The following NANS variants were observed in gnomAD, a reference collection of about 807,000 sequenced individuals.
NANS encodes N-acetylneuraminate synthase.
In NANS, 29 loss-of-function variants were observed where a neutral mutation model predicts 33.3. The ratio of observed to expected loss-of-function variants is 0.87; its 90% confidence interval spans 0.65 to 1.19. The LOEUF is 1.19. Among genes scored for constraint, NANS ranks in the 50% most tolerant of loss-of-function variants. The probability of loss-of-function intolerance (pLI) is 0.00; values close to 1 mark genes in which losing one functional copy is unlikely to be tolerated. For synonymous variants in NANS, 163 were observed against 177.2 expected (o/e 0.92, Z 0.64); for missense variants, 394 against 461.1 (o/e 0.85, Z 1.33).
At chr9:98,062,211 A>T (rs920614633) in intron 2 of NANS, among the ~76,000 whole-genome samples, 38 of 121,328 alleles carry the variant, frequency 3.1e-4, no homozygotes, top group African/African-American at 9.2e-4. Context: ...GTCTCTTAAT[A>T]AAAAAAAAAA....
chr9:98,073,828 C>T (rs998417995), intron 2 of NANS, among the ~76,000 whole-genome samples: 1 of 151,956 alleles, frequency 6.6e-6, no homozygotes, highest in African/African-American at 2.4e-5. Flanking sequence ...GTTTTGTCAC[C>T]CAGGCTGGAG....
intron 5 of NANS, chr9:98,081,611 G>A (rs1829866022): frequency 6.5e-6 from 1 of 153,330 alleles, no homozygotes; most frequent in South Asian, 2.0e-4. Flanking sequence ...CAGAGGAACT[G>A]GTGGGCCTAG....
At chr9:98,079,527 C>T (rs1358269509) in intron 4 of NANS, among the ~76,000 whole-genome samples, 1 of 152,172 alleles carries the variant, frequency 6.6e-6, no homozygotes, top group African/African-American at 2.4e-5. Context: ...CCTAAACTTT[C>T]TGTCCCTCCC....
In NANS at chr9:98,077,020, A is replaced by G; in HGVS notation, c.448+3A>G. ...TCTGGAAAAGACAGCCAAAAAAGGT[A>G]AGTGTCTAATTTTTGACTTAAAATC... is the stretch of plus-strand genomic sequence containing the variant. On this transcript the variant is annotated splice_donor_region_variant and intron_variant, in intron 3 of 5. Transcript: ENST00000210444. 1 of 1,600,566 alleles carries G rather than the reference A, an allele frequency of 6.2e-7. No homozygotes were observed. Among genetic ancestry groups the G allele is most frequent in the South Asian group, 1.1e-5 (1 of 89,036 alleles).
chr9:98,077,763 C>G (rs1156510932), intron 3 of NANS, among the ~76,000 whole-genome samples: 2 of 152,268 alleles, frequency 1.3e-5, no homozygotes, highest in South Asian at 4.1e-4. Flanking sequence ...ACTTATTTCA[C>G]AGGGGAGGCC....
intron 4 of NANS, among the ~76,000 whole-genome samples, chr9:98,080,439 C>T (rs1210578090): frequency 6.6e-6 from 1 of 152,220 alleles, no homozygotes; most frequent in Non-Finnish European, 1.5e-5. Flanking sequence ...GCATATAGCA[C>T]ACTTGCTTTC....
chr9:98,068,189 C>T (rs552701212), intron 2 of NANS, among the ~76,000 whole-genome samples: 2 of 152,246 alleles, frequency 1.3e-5, no homozygotes, highest in South Asian at 2.1e-4. Context: ...GACTGGAGTG[C>T]AGTGGTATAA....
intron 1 of NANS, among the ~76,000 whole-genome samples, chr9:98,060,103 T>G (rs939551574): frequency 3.9e-5 from 6 of 152,260 alleles, no homozygotes; most frequent in Non-Finnish European, 7.3e-5. Context: ...TTTTCTTTAC[T>G]AAATTCTGGT....
At chr9:98,057,265 A>G (rs1038758376) in intron 1 of NANS, among the ~76,000 whole-genome samples, 2 of 152,192 alleles carry the variant, frequency 1.3e-5, no homozygotes, top group African/African-American at 4.8e-5. Flanking sequence ...GCCCGCGGGT[A>G]GAGTCGAAAC....
At chr9:98,072,448 GT>G (rs1299200450) in intron 2 of NANS, among the ~76,000 whole-genome samples, 3 of 150,038 alleles carry the variant, frequency 2.0e-5, no homozygotes, top group African/African-American at 7.4e-5. Context: ...GTCTCGCTGT[GT>G]CGCCCAAGCT....
At chr9:98,057,791 C>G (rs971102201) in intron 1 of NANS, among the ~76,000 whole-genome samples, 1 of 151,682 alleles carries the variant, frequency 6.6e-6, no homozygotes, top group Non-Finnish European at 1.5e-5. Flanking sequence ...CAATGCTACT[C>G]AACTGATTTT....
chr9:98,081,812 C>G (rs1402829154), intron 5 of NANS: 2 of 152,218 alleles, frequency 1.3e-5, no homozygotes, highest in Non-Finnish European at 2.9e-5. Flanking sequence ...ACCTTTTATT[C>G]TAGTGGGGCC....
intron 2 of NANS, among the ~76,000 whole-genome samples, chr9:98,062,768 G>A (rs1159209079): frequency 1.5e-5 from 2 of 135,656 alleles, no homozygotes; most frequent in African/African-American, 5.4e-5. Context: ...GGATACGGAA[G>A]TTATTTCAGT....
chr9:98,057,899 A>C (rs1198995350), intron 1 of NANS, among the ~76,000 whole-genome samples: 1 of 57,752 alleles, frequency 1.7e-5, no homozygotes, highest in Admixed American at 1.8e-4. Flanking sequence ...GTTTTCTCTT[A>C]CTGTTTTTTT....
At chr9:98,077,076 C>T (rs1474514390) in intron 3 of NANS, 59 bp downstream of exon 3, 2 of 1,293,338 alleles carry the variant, frequency 1.5e-6, no homozygotes, top group African/African-American at 1.5e-5. Context: ...TATTTTTACT[C>T]CCCTCATGGT....
chr9:98,066,243 G>A (rs1375154228), intron 2 of NANS, among the ~76,000 whole-genome samples: 1 of 152,166 alleles, frequency 6.6e-6, no homozygotes, highest in African/African-American at 2.4e-5. Context: ...TCCAAAGTGT[G>A]GTTCAGGAAC....
At chr9:98,079,530 T>C (rs1363864814) in intron 4 of NANS, among the ~76,000 whole-genome samples, 1 of 152,158 alleles carries the variant, frequency 6.6e-6, no homozygotes, top group Non-Finnish European at 1.5e-5. Context: ...AAACTTTCTG[T>C]CCCTCCCAAT....
At position 98,056,923 on chromosome 9, in the gene NANS, A is replaced by C; in HGVS notation, c.115A>C (p.Met39Leu). 1 of 1,604,162 alleles carries C rather than the reference A, an allele frequency of 6.2e-7. No individual in the cohort carries two copies. The highest frequency in any genetic ancestry group is 8.5e-7 in the Non-Finnish European group (1 of 1,175,792). The change falls in exon 1 of 6, where the codon ATG becomes CTG. Residue 39 changes from methionine to leucine, a missense_variant. Coordinates refer to ENST00000210444, the MANE Select transcript of NANS (RefSeq NM_018946.4). ...GGGCGACCTGGACGTAGCCAAGCGC[A>C]TGATCCGCATGGCCAAGGTGAGGCG... ...HQGDLDVAKR[M>L]IRMAKECGAD...
intron 2 of NANS, among the ~76,000 whole-genome samples, chr9:98,067,832 C>T (rs1829193540): frequency 7.5e-6 from 1 of 133,638 alleles, no homozygotes; most frequent in African/African-American, 3.4e-5. Context: ...AGCAATCCTC[C>T]CACCTCAGCC....
Sources: allele counts gnomAD v4.1 joint callset (sites outside exome capture counted in the v4.1 genomes callset), GRCh38; gene constraint gnomAD v4.1.1; transcripts MANE v1.5; gene names NCBI Gene and HGNC (gene_info 2026-07-23, HGNC 2026-07-21).